STON2: variants seen among roughly 807,000 people sequenced by gnomAD.
STON2 encodes the protein stonin-2.
Under a neutral mutation model 65.7 loss-of-function variants are expected in STON2, and 29 were observed. The observed-to-expected ratio is 0.44, with a 90% CI of 0.33 to 0.60. STON2 has a LOEUF of 0.60. STON2 is among the 20% of genes least tolerant of loss of function. The probability of loss-of-function intolerance (pLI) is 0.03; values close to 1 mark genes in which losing one functional copy is unlikely to be tolerated. For synonymous variants in STON2, 404 were observed against 414.2 expected (o/e 0.98, Z 0.30); for missense variants, 1,054 against 1,118.1 (o/e 0.94, Z 0.82).
rs558309527 is a variant in STON2 at position 81,385,813 on chromosome 14, T to C, written c.373+10081A>G. On this transcript the variant is annotated intron_variant, in intron 3 of 7. Coordinates refer to ENST00000614646, the MANE Select transcript of STON2 (RefSeq NM_001394390.1). ...AAATTAGATAGACAAAGTCTTTCCC[T>C]TTATGGAGAAGAGAGATAATAACAA... Among the ~76,000 whole-genome samples, 4 of 152,322 alleles carry C rather than the reference T, an allele frequency of 2.6e-5. No homozygotes were observed. The East Asian group carries it at 7.7e-4, about 29-fold the overall frequency.
chr14:81,414,881 T>C (rs1317574948), intron 2 of STON2, among the ~76,000 whole-genome samples: 4 of 152,194 alleles, frequency 2.6e-5, no homozygotes, highest in South Asian at 2.1e-4. Context: ...GTGAGAATGC[T>C]TGGTGGCCTG....
In STON2 at chr14:81,288,772, T is replaced by C. The variant is rs75914250; in HGVS notation, c.743-10033A>G. ...GGAGGTTAAAAGAGAAGGTGTCCTA[T>C]ATCTACAGGTACCATAAGGGAGAAT... On this transcript the variant is annotated intron_variant, in intron 5 of 7. Transcript: ENST00000614646. Among the ~76,000 whole-genome samples, 333 of 150,296 alleles carry C rather than the reference T, an allele frequency of 2.2e-3. 10 individuals carry two copies. The highest frequency in any genetic ancestry group is 7.9e-3 in the African/African-American group (316 of 39,766).
At chr14:81,289,372 G>A (rs954226678) in intron 5 of STON2, among the ~76,000 whole-genome samples, 5 of 152,064 alleles carry the variant, frequency 3.3e-5, no homozygotes, top group Non-Finnish European at 5.9e-5. Context: ...ACAGAAAAAA[G>A]GACCAGATTT....
chr14:81,409,773 G>A (rs1012589363), intron 2 of STON2, among the ~76,000 whole-genome samples: 6 of 152,128 alleles, frequency 3.9e-5, no homozygotes, highest in Non-Finnish European at 8.8e-5. Context: ...CTAGAAATGA[G>A]GTATAACTGA....
rs1171575919 is a variant in STON2 at position 81,283,479 on chromosome 14, A to AGCATATAAAG, written c.743-4750_743-4741dup. 7.4e-4 allele frequency among the ~76,000 whole-genome samples: 113 copies of AGCATATAAAG among 152,134 alleles called. 2 individuals carry two copies. The highest frequency in any genetic ancestry group is 3.0e-3 in the Admixed American group (46 of 15,274). ...GCAAGAGCAGTGACTGTTACATAACAGCATATAAAGGCATACCTCGTCTTT... is the reference window on the plus strand; with the variant it reads ...GCAAGAGCAGTGACTGTTACATAACAGCATATAAAGGCATATAAAGGCATACCTCGTCTTT... On this transcript the variant is annotated intron_variant, in intron 5 of 7. Transcript: ENST00000614646.
Position 81,277,164 on chromosome 14 carries a change from T to C in STON2, c.2318A>G (p.Asn773Ser), listed in dbSNP as rs781235996. ...GGGAACCTGAGTGAGGGGGTCACGA[T>C]TGGCGGAGAAGCCAGTTGACATCCT... ...WLRMSTGFSANRDPLTQVPCE... is the reference protein window; with the variant it reads ...WLRMSTGFSASRDPLTQVPCE... The change falls in exon 6 of 8, where the codon AAT (asparagine) becomes AGT (serine). Residue 773 changes from asparagine to serine, a missense_variant. Asn to Ser is a conservative substitution (Grantham distance 46). Coordinates refer to ENST00000614646, the MANE Select transcript of STON2 (RefSeq NM_001394390.1). 9.9e-6 allele frequency: 16 copies of C among 1,614,114 alleles called. No individual in the cohort carries two copies. The highest frequency in any genetic ancestry group is 2.2e-5 in the East Asian group (1 of 44,906).
chr14:81,271,096 T>C (rs1180147276), intron 6 of STON2, among the ~76,000 whole-genome samples: 1 of 152,094 alleles, frequency 6.6e-6, no homozygotes, highest in African/African-American at 2.4e-5. Flanking sequence ...CAGCCTGGTA[T>C]CCTAGCAATA....
chr14:81,304,752 G>A (rs1350883286), intron 5 of STON2, among the ~76,000 whole-genome samples: 1 of 151,584 alleles, frequency 6.6e-6, no homozygotes. Flanking sequence ...AGGGAGGGAG[G>A]GATGGAATCA....
intron 4 of STON2, among the ~76,000 whole-genome samples, chr14:81,339,675 G>A (rs1162598217): frequency 6.6e-6 from 1 of 152,168 alleles, no homozygotes; most frequent in Non-Finnish European, 1.5e-5. Context: ...TAAAGTTTTA[G>A]CTTTTTCAGA....
Position 81,265,691 on chromosome 14 carries a change from T to C in STON2, c.*2723A>G. Reference sequence around the variant, plus strand: ...TAATAATAATACTCTGTCTCAATAATAATAATAATAATAATTTGTTTGCAG... The same window carrying C: ...TAATAATAATACTCTGTCTCAATAACAATAATAATAATAATTTGTTTGCAG... On this transcript the variant is annotated 3_prime_UTR_variant, in exon 8 of 8. Coordinates refer to ENST00000614646, the MANE Select transcript of STON2 (RefSeq NM_001394390.1). 1 of 520,748 alleles carries C rather than the reference T, an allele frequency of 1.9e-6. No individual in the cohort carries two copies. Among genetic ancestry groups the C allele is most frequent in the South Asian group, 8.7e-5 (1 of 11,478 alleles). The allele number at this position is 520,748 out of a possible 1,614,324, so 32.3% of individuals were successfully genotyped here.
chr14:81,341,445 T>TG (rs1320193192), intron 4 of STON2, among the ~76,000 whole-genome samples: 2 of 126,462 alleles, frequency 1.6e-5, no homozygotes, highest in African/African-American at 8.8e-5. Flanking sequence ...ATTTTATAAG[T>TG]GTTTTTTTTT....
At chr14:81,417,801 G>A (rs927843538) in intron 2 of STON2, among the ~76,000 whole-genome samples, 1 of 152,192 alleles carries the variant, frequency 6.6e-6, no homozygotes, top group African/African-American at 2.4e-5. Context: ...ACTGACTCTT[G>A]GAGCATGCCT....
At chr14:81,272,281 CT>C (rs759714028) in intron 6 of STON2, among the ~76,000 whole-genome samples, 6 of 152,166 alleles carry the variant, frequency 3.9e-5, no homozygotes, top group Non-Finnish European at 7.3e-5. Context: ...TTCTTAACCA[CT>C]TTGTCTGAGT....
upstream of STON2, among the ~76,000 whole-genome samples, chr14:81,403,025 G>A (rs990712320): frequency 3.3e-5 from 5 of 152,138 alleles, no homozygotes; most frequent in African/African-American, 7.2e-5. Flanking sequence ...AAAAATTGTC[G>A]TATAAATGCA....
At chr14:81,434,982 T>A (rs553470207) in intron 1 of STON2, among the ~76,000 whole-genome samples, 15 of 152,282 alleles carry the variant, frequency 9.9e-5, no homozygotes, top group African/African-American at 3.6e-4. Flanking sequence ...CCTCCCTCTC[T>A]TTTTAATTTT....
At chr14:81,431,183 G>A (rs745822961) in intron 1 of STON2, among the ~76,000 whole-genome samples, 25 of 152,164 alleles carry the variant, frequency 1.6e-4, no homozygotes, top group Non-Finnish European at 2.8e-4. Flanking sequence ...CCTCTGGGAA[G>A]GTACACAGAA....
At chr14:81,302,432 C>T (rs558119488) in intron 5 of STON2, among the ~76,000 whole-genome samples, 1 of 152,208 alleles carries the variant, frequency 6.6e-6, no homozygotes, top group Non-Finnish European at 1.5e-5. Context: ...AGTATCCCTT[C>T]GGATGGTGCA....
At chr14:81,411,027 T>C (rs542082318) in intron 2 of STON2, among the ~76,000 whole-genome samples, 1 of 152,396 alleles carries the variant, frequency 6.6e-6, no homozygotes, top group South Asian at 2.1e-4. Context: ...TTTCTGTTTT[T>C]CTTCCTTGCT....
At chr14:81,335,926 ACAAAAAC>A (rs1897355339) in intron 4 of STON2, among the ~76,000 whole-genome samples, 1 of 152,206 alleles carries the variant, frequency 6.6e-6, no homozygotes, top group Non-Finnish European at 1.5e-5. Flanking sequence ...TGAAAAGGTA[ACAAAAAC>A]AATTCCAGAC....
Sources: gnomAD v4.1 joint callset for allele counts (sites outside exome capture counted in the v4.1 genomes callset) on GRCh38, gnomAD v4.1.1 for gene constraint, MANE v1.5 for transcripts, NCBI Gene and HGNC (gene_info 2026-07-23, HGNC 2026-07-21) for gene names.